Variants in ULK4 observed in about 807,000 individuals in gnomAD.
ULK4 encodes inactive serine/threonine-protein kinase ULK4.
A neutral mutation model predicts 160.6 loss-of-function variants in ULK4; 133 were observed. The ratio of observed to expected loss-of-function variants is 0.83; its 90% CI spans 0.72 to 0.96. The LOEUF (loss-of-function observed/expected upper bound fraction) is 0.96. Among genes scored for constraint, ULK4 ranks in the 40% least tolerant of loss-of-function variants. The probability of loss-of-function intolerance (pLI) is 0.00; values close to 1 mark genes in which losing one functional copy is unlikely to be tolerated. For missense variants in ULK4, 1,580 were observed against 1,499.5 expected (o/e 1.05, Z -0.89); for synonymous variants, 534 against 539.8 (o/e 0.99, Z 0.15).
intron 32 of ULK4, among the ~76,000 whole-genome samples, chr3:41,506,777 T>TATAAATATATATATATATAA (rs1559658174): frequency 5.7e-5 from 1 of 17,426 alleles, no homozygotes; most frequent in African/African-American, 1.3e-4. Flanking sequence ...AATATATATA[T>TATAAATATATATATATATAA]ATATATATAT....
chr3:41,534,179 A>G (rs904265862), intron 32 of ULK4, among the ~76,000 whole-genome samples: 12 of 152,168 alleles, frequency 7.9e-5, no homozygotes, highest in African/African-American at 2.9e-4. Flanking sequence ...GTAAATACCA[A>G]CTCAAACAGT....
chr3:41,392,571 C>T (rs1330361351), intron 35 of ULK4, among the ~76,000 whole-genome samples: 2 of 152,126 alleles, frequency 1.3e-5, no homozygotes, highest in African/African-American at 4.8e-5. Context: ...TGGGGTCAAA[C>T]ATATCTTGGG....
chr3:41,602,300 G>GGAAAC (rs2032132356), intron 31 of ULK4, among the ~76,000 whole-genome samples: 1 of 125,572 alleles, frequency 8.0e-6, no homozygotes, highest in South Asian at 2.4e-4. Flanking sequence ...GGAAAGGAAA[G>GGAAAC]GAAAGGAAAG....
intron 15 of ULK4, among the ~76,000 whole-genome samples, chr3:41,896,552 C>A (rs77572508): frequency 0.13 from 19,040 of 152,134 alleles, 1,367 homozygotes; most frequent in Middle Eastern, 0.26. Flanking sequence ...CTACGCCCAG[C>A]CTGATTTCAG....
At chr3:41,309,224 A>G (rs1339133323) in intron 35 of ULK4, among the ~76,000 whole-genome samples, 2 of 152,116 alleles carry the variant, frequency 1.3e-5, no homozygotes, top group African/African-American at 2.4e-5. Flanking sequence ...GCAGGAAGCA[A>G]TATTTTGCTA....
rs796684405 is a variant in ULK4, at chr3:41,590,010, G to GT, written c.3121-23881dup. 3.3e-3 allele frequency among the ~76,000 whole-genome samples: 485 copies of GT among 147,252 alleles called. 2 individuals are homozygous for GT. The highest frequency in any genetic ancestry group is 9.3e-3 in the African/African-American group (374 of 40,298). On this transcript the variant is annotated intron_variant, in intron 31 of 36. Coordinates refer to ENST00000301831, the MANE Select transcript of ULK4 (RefSeq NM_017886.4). ...AAGAACCAAATGCAAGGTTTTTTTT[G>GT]TTTTTTTTTTAAGACAGAGTTTCTC...
At chr3:41,646,557 G>A (rs879353479) in intron 30 of ULK4, among the ~76,000 whole-genome samples, 22 of 152,218 alleles carry the variant, frequency 1.4e-4, no homozygotes, top group Non-Finnish European at 2.8e-4. Context: ...TCTGCTGAGA[G>A]ATCCGCTGTT....
intron 17 of ULK4, chr3:41,859,246 G>C (rs770662721): frequency 1.8e-6 from 1 of 545,140 alleles, no homozygotes; most frequent in Admixed American, 2.2e-5. Flanking sequence ...GACCAAAATG[G>C]GCAAGTCAAG....
intron 35 of ULK4, among the ~76,000 whole-genome samples, chr3:41,341,622 A>C (rs970914577): frequency 6.6e-6 from 1 of 152,168 alleles, no homozygotes; most frequent in Non-Finnish European, 1.5e-5. Flanking sequence ...AGACCAAGGG[A>C]AAAGAACAAG....
intron 29 of ULK4, among the ~76,000 whole-genome samples, chr3:41,670,620 C>CAT (rs998394359): frequency 6.6e-6 from 1 of 151,604 alleles, no homozygotes; most frequent in Non-Finnish European, 1.5e-5. Flanking sequence ...TACACATATA[C>CAT]ATATATATAC....
intron 30 of ULK4, among the ~76,000 whole-genome samples, chr3:41,651,323 C>A (rs1025892803): frequency 3.3e-5 from 5 of 152,192 alleles, no homozygotes; most frequent in Non-Finnish European, 5.9e-5. Flanking sequence ...GAGAGGCTGT[C>A]TCTGTCCACC....
chr3:41,393,776 C>G (rs1038327672), intron 35 of ULK4, among the ~76,000 whole-genome samples: 2 of 152,158 alleles, frequency 1.3e-5, no homozygotes, highest in African/African-American at 4.8e-5. Flanking sequence ...CTGTCTGGAT[C>G]AAAGTTCAGT....
rs553248003 is a variant in ULK4 at position 41,264,643 on chromosome 3, GA to G, written c.3679-15070del. On this transcript the variant is annotated intron_variant, in intron 35 of 36. Transcript: ENST00000301831. ...CACTCAAGTACTCTTCAAAGAAGGG[GA>G]AAAAAAGAGTTTCCATTTGAAAATG... 6.6e-5 allele frequency among the ~76,000 whole-genome samples: 10 copies of G among 152,114 alleles called. No homozygotes were observed. In the South Asian group the frequency reaches 2.1e-3, roughly 32 times the overall value.
chr3:41,580,640 G>A (rs758239535), intron 31 of ULK4, among the ~76,000 whole-genome samples: 8 of 152,110 alleles, frequency 5.3e-5, no homozygotes, highest in African/African-American at 1.2e-4. Flanking sequence ...AAAACCATAC[G>A]AGTGACAAGC....
intron 33 of ULK4, among the ~76,000 whole-genome samples, chr3:41,457,035 C>T (rs984969091): frequency 1.3e-5 from 2 of 152,214 alleles, no homozygotes; most frequent in Non-Finnish European, 2.9e-5. Flanking sequence ...GGAGAATTTC[C>T]TGTCAGGAAA....
At chr3:41,612,389 G>A (rs918740503) in intron 31 of ULK4, among the ~76,000 whole-genome samples, 1 of 151,958 alleles carries the variant, frequency 6.6e-6, no homozygotes, top group Non-Finnish European at 1.5e-5. Flanking sequence ...CTTCCCCGGG[G>A]TCCACAGCTT....
intron 21 of ULK4, among the ~76,000 whole-genome samples, chr3:41,781,198 T>C (rs907877476): frequency 6.6e-6 from 1 of 151,960 alleles, no homozygotes; most frequent in Non-Finnish European, 1.5e-5. Context: ...CTAGAAAAAA[T>C]CATTTATGAG....
At chr3:41,331,555 T>A (rs945190772) in intron 35 of ULK4, among the ~76,000 whole-genome samples, 1 of 152,236 alleles carries the variant, frequency 6.6e-6, no homozygotes, top group Non-Finnish European at 1.5e-5. Flanking sequence ...ATACCGAAAG[T>A]GTCACAACAT....
At chr3:41,862,784 T>TCTCC in intron 17 of ULK4, among the ~76,000 whole-genome samples, 1 of 121,996 alleles carries the variant, frequency 8.2e-6, no homozygotes, top group Admixed American at 7.4e-5. Flanking sequence ...TCTCTCTCTC[T>TCTCC]CCGCTCCCCC....
Sources: gnomAD v4.1 joint callset for allele counts (sites outside exome capture counted in the v4.1 genomes callset) on GRCh38, gnomAD v4.1.1 for gene constraint, MANE v1.5 for transcripts, NCBI Gene and HGNC (gene_info 2026-07-23, HGNC 2026-07-21) for gene names.